Variants in BRINP3 observed in about 807,000 individuals in gnomAD.
BRINP3 encodes BMP/retinoic acid inducible neural specific 3, also known as BMP/retinoic acid-inducible neural-specific protein 3.
In BRINP3, 19 loss-of-function variants were observed where a neutral mutation model predicts 71.0. The observed-to-expected ratio is 0.27, with a 90% confidence interval of 0.19 to 0.39. BRINP3 has a LOEUF of 0.39. Ranked by LOEUF, BRINP3 falls within the 10% of genes least tolerant of loss-of-function variation. The probability of loss-of-function intolerance (pLI) is 1.00; values close to 1 mark genes in which losing one functional copy is unlikely to be tolerated. For missense variants in BRINP3, 959 were observed against 940.8 expected, an observed-to-expected ratio of 1.02 and a Z score of -0.25; for synonymous variants, 380 against 337.7, an observed-to-expected ratio of 1.13 and a Z score of -1.37.
At chr1:190,426,394 C>G (rs1339308329) in intron 2 of BRINP3, among the ~76,000 whole-genome samples, 3 of 151,702 alleles carry the variant, frequency 2.0e-5, no homozygotes, top group Non-Finnish European at 3.0e-5. Context: ...GGTTTCTTAC[C>G]CAAAATGCCT....
At chr1:190,174,529 G>A (rs775325767) in intron 6 of BRINP3, among the ~76,000 whole-genome samples, 41 of 151,780 alleles carry the variant, frequency 2.7e-4, no homozygotes, top group African/African-American at 9.4e-4. Context: ...ATGTATAAAC[G>A]GCAAAACTCG....
chr1:190,375,182 A>T (rs1670105768), intron 2 of BRINP3, among the ~76,000 whole-genome samples: 1 of 152,042 alleles, frequency 6.6e-6, no homozygotes, highest in Non-Finnish European at 1.5e-5. Context: ...AGTTGGGTCA[A>T]TAACTCATCT....
In BRINP3 at chr1:190,331,513, T is replaced by C. The variant is rs80168420; in HGVS notation, c.237-49763A>G. 5.5e-3 allele frequency among the ~76,000 whole-genome samples: 837 copies of C among 152,168 alleles called. 3 individuals are homozygous for C. The highest frequency in any genetic ancestry group is 0.019 in the African/African-American group (809 of 41,558). The stretch of plus-strand genomic sequence containing the variant: ...TAAATGCTTTTAAAAAGTTGTTTGC[T>C]GTTGTTCTGTTCATCCTCAGAAAGC... On this transcript the variant is annotated intron_variant, in intron 2 of 7. Transcript: ENST00000367462.
Position 190,242,405 on chromosome 1 carries a change from T to C in BRINP3, c.619-7928A>G, listed in dbSNP as rs531736203. Among the ~76,000 whole-genome samples the C allele has an allele frequency of 4.9e-4, 74 of 152,146 alleles. 1 individual carries two copies. Among genetic ancestry groups the C allele is most frequent in the African/African-American group, 1.7e-3 (72 of 41,566 alleles). ...ATTGTCAATATTTTCTTGGGCCTTC[T>C]CCAAACATATAGATACAGTTTAAAA... On this transcript the variant is annotated intron_variant, in intron 4 of 7. Transcript: ENST00000367462.
At chr1:190,470,560 A>G (rs1558315495) in intron 1 of BRINP3, among the ~76,000 whole-genome samples, 5 of 151,100 alleles carry the variant, frequency 3.3e-5, no homozygotes, top group African/African-American at 9.7e-5. Flanking sequence ...AATAGTAAAA[A>G]TAGGTTGCAC....
chr1:190,135,686 T>G (rs142393661), intron 7 of BRINP3, among the ~76,000 whole-genome samples: 4 of 152,212 alleles, frequency 2.6e-5, no homozygotes, highest in African/African-American at 9.6e-5. Context: ...TTGAGCATCA[T>G]GTAGTCATCT....
At chr1:190,161,398 TTA>T (rs1279024385) in intron 6 of BRINP3, among the ~76,000 whole-genome samples, 7 of 151,490 alleles carry the variant, frequency 4.6e-5, no homozygotes, top group Admixed American at 1.3e-4. Context: ...ATATAAAATT[TTA>T]GATTTTAAAT....
At chr1:190,328,401 A>G (rs1666747549) in intron 2 of BRINP3, among the ~76,000 whole-genome samples, 1 of 152,086 alleles carries the variant, frequency 6.6e-6, no homozygotes, top group Non-Finnish European at 1.5e-5. Flanking sequence ...CAGAAATACA[A>G]AAGATCCTCT....
rs974474260 is a variant in BRINP3 at position 190,445,849 on chromosome 1, T to C, written c.236+8806A>G. The stretch of plus-strand genomic sequence containing the variant: ...AATGGGATTAGATAGAGAAAAATAA[T>C]CAAATAAAGTATTTGTTTAAATGCC... On this transcript the variant is annotated intron_variant, in intron 2 of 7. Transcript: ENST00000367462. Among the ~76,000 whole-genome samples the C allele has an allele frequency of 4.6e-5, 7 of 152,132 alleles. 1 individual carries two copies. Among genetic ancestry groups the C allele is most frequent in the Admixed American group, 4.6e-4 (7 of 15,266 alleles).
At chr1:190,330,340 TAAAAG>T (rs754312348) in intron 2 of BRINP3, among the ~76,000 whole-genome samples, 12 of 151,882 alleles carry the variant, frequency 7.9e-5, no homozygotes, top group Non-Finnish European at 1.3e-4. Flanking sequence ...AGACACCTCT[TAAAAG>T]AAGACATACA....
At chr1:190,373,001 T>C (rs988065087) in intron 2 of BRINP3, among the ~76,000 whole-genome samples, 14 of 152,160 alleles carry the variant, frequency 9.2e-5, no homozygotes, top group African/African-American at 2.9e-4. Flanking sequence ...AAACATTACA[T>C]ATCTAAGACA....
At chr1:190,301,716 G>T (rs1296122077) in intron 2 of BRINP3, among the ~76,000 whole-genome samples, 2 of 151,784 alleles carry the variant, frequency 1.3e-5, no homozygotes, top group African/African-American at 4.8e-5. Flanking sequence ...CTATCTCTGT[G>T]TTCATTTAAA....
At chr1:190,178,805 A>G (rs1191231004) in intron 6 of BRINP3, among the ~76,000 whole-genome samples, 1 of 152,170 alleles carries the variant, frequency 6.6e-6, no homozygotes, top group Non-Finnish European at 1.5e-5. Flanking sequence ...TTAAATGATA[A>G]AACAATATCT....
chr1:190,295,667 G>A (rs541955525), intron 2 of BRINP3, among the ~76,000 whole-genome samples: 10 of 152,158 alleles, frequency 6.6e-5, no homozygotes, highest in South Asian at 2.1e-4. Flanking sequence ...TTCTGTGGGC[G>A]CCAGTCTAGA....
At chr1:190,308,611 G>A (rs947669420) in intron 2 of BRINP3, among the ~76,000 whole-genome samples, 1 of 151,774 alleles carries the variant, frequency 6.6e-6, no homozygotes, top group Non-Finnish European at 1.5e-5. Flanking sequence ...CCTGCACATT[G>A]TGCACATGTA....
At chr1:190,437,246 T>C (rs1674526218) in intron 2 of BRINP3, among the ~76,000 whole-genome samples, 1 of 151,810 alleles carries the variant, frequency 6.6e-6, no homozygotes, top group African/African-American at 2.4e-5. Context: ...CTTGGACAAT[T>C]TATTTAACTT....
At chr1:190,460,746 C>CT (rs1206502978) in intron 1 of BRINP3, among the ~76,000 whole-genome samples, 1 of 152,148 alleles carries the variant, frequency 6.6e-6, no homozygotes, top group Admixed American at 6.6e-5. Context: ...GTTCTCCAAA[C>CT]TTTTTTCTGG....
intron 2 of BRINP3, among the ~76,000 whole-genome samples, chr1:190,392,752 A>G (rs186099937): frequency 1.4e-4 from 21 of 151,744 alleles, no homozygotes; most frequent in Admixed American, 2.0e-4. Context: ...CTGGCATTCT[A>G]TAAACACCTG....
chr1:190,448,457 T>TGG (rs1431741017), intron 2 of BRINP3, among the ~76,000 whole-genome samples: 23 of 113,318 alleles, frequency 2.0e-4, no homozygotes, highest in African/African-American at 6.9e-4. Context: ...CCCCTACACT[T>TGG]GGGGTTTGTG....
Sources: gnomAD v4.1 joint callset for allele counts (sites outside exome capture counted in the v4.1 genomes callset) on GRCh38, gnomAD v4.1.1 for gene constraint, MANE v1.5 for transcripts, NCBI Gene and HGNC (gene_info 2026-07-23, HGNC 2026-07-21) for gene names.